The following IDO2 variants were observed in gnomAD, a reference collection of about 807,000 sequenced individuals.
The protein encoded by IDO2 is indoleamine 2,3-dioxygenase-like 1 protein.
In IDO2, 46 loss-of-function variants were observed where a neutral mutation model predicts 45.1. The observed-to-expected ratio is 1.02, with a 90% CI of 0.80 to 1.30. IDO2 has a LOEUF of 1.30. Ranked by LOEUF, IDO2 falls within the 50% of genes most tolerant of loss-of-function variation. The probability of loss-of-function intolerance (pLI) is 0.00; values close to 1 mark genes in which losing one functional copy is unlikely to be tolerated. For synonymous variants in IDO2, 218 were observed against 184.9 expected, an observed-to-expected ratio of 1.18 and a Z score of -1.45; for missense variants, 544 against 491.8, an observed-to-expected ratio of 1.11 and a Z score of -1.00.
At chr8:39,939,003 C>G (rs1807599230) in intron 1 of IDO2, among the ~76,000 whole-genome samples, 1 of 152,156 alleles carries the variant, frequency 6.6e-6, no homozygotes, top group South Asian at 2.1e-4. Flanking sequence ...CCTGTAATCC[C>G]AGCACTTTGG....
At chr8:39,969,012 T>G (rs896590920) in intron 3 of IDO2, among the ~76,000 whole-genome samples, 13 of 152,152 alleles carry the variant, frequency 8.5e-5, no homozygotes, top group Non-Finnish European at 1.5e-4. Context: ...AGTGTTGTGT[T>G]GTGACTAGAA....
intron 1 of IDO2, among the ~76,000 whole-genome samples, chr8:39,944,644 A>G (rs1807704784): frequency 6.6e-6 from 1 of 152,216 alleles, no homozygotes; most frequent in Admixed American, 6.5e-5. Context: ...CCCCGAGTCT[A>G]TCACCTTGTA....
At position 39,939,612 on chromosome 8, in the gene IDO2, G is replaced by T. The variant is rs75520748; in HGVS notation, c.-18+4394G>T. Among the ~76,000 whole-genome samples the T allele has an allele frequency of 2.6e-3, 380 of 146,496 alleles. 3 individuals are homozygous for T. Among genetic ancestry groups the T allele is most frequent in the Non-Finnish European group, 4.3e-3 (291 of 67,120 alleles). ...AAAGAAAAAAGAAAATTCCGTGATT[G>T]CAGTCTTTACGTATTTATTTGTTAT... On this transcript the variant is annotated intron_variant, in intron 1 of 10. Coordinates refer to ENST00000502986, the Ensembl canonical transcript of IDO2.
At position 39,947,496 on chromosome 8, in the gene IDO2, AC is replaced by A. The variant is rs542804813; in HGVS notation, c.-17-1651del. ...CTCTTCCTTATTTAAAAGTGTTTTT[AC>A]CTTTCTCAGCGTTCCACAAGTTACT... On this transcript the variant is annotated intron_variant, in intron 1 of 10. Coordinates refer to ENST00000502986, the Ensembl canonical transcript of IDO2. 4.7e-4 allele frequency among the ~76,000 whole-genome samples: 72 copies of A among 152,322 alleles called. 1 individual carries two copies. The highest frequency in any genetic ancestry group is 3.4e-3 in the Middle Eastern group (1 of 294).
At chr8:40,005,576 T>A (rs1369550595) in intron 9 of IDO2, among the ~76,000 whole-genome samples, 198 bp downstream of exon 9, 2 of 152,000 alleles carry the variant, frequency 1.3e-5, no homozygotes, top group Middle Eastern at 3.2e-3. Flanking sequence ...CAGTTAAGAG[T>A]GTTTGTTCCT....
At chr8:39,989,688 C>A (rs1808472597) in intron 7 of IDO2, 33 bp from the exon 8 acceptor site, 1 of 1,424,442 alleles carries the variant, frequency 7.0e-7, no homozygotes. Context: ...TAAGGGAGTG[C>A]TAATAAGTTG....
At chr8:39,983,758 C>T (rs770335775) in intron 5 of IDO2, among the ~76,000 whole-genome samples, 7 of 151,624 alleles carry the variant, frequency 4.6e-5, no homozygotes, top group Non-Finnish European at 1.0e-4. Flanking sequence ...GCCAGCTGCT[C>T]GGGAGGCTGA....
At chr8:39,974,134 T>A (rs1442184834) in intron 3 of IDO2, among the ~76,000 whole-genome samples, 1 of 152,202 alleles carries the variant, frequency 6.6e-6, no homozygotes, top group Non-Finnish European at 1.5e-5. Context: ...ATTTTTCCTA[T>A]CAGTTTTCAT....
exon 7 of IDO2, chr8:39,987,915 A>G (rs1263701926): frequency 6.2e-7 from 1 of 1,612,058 alleles, no homozygotes; most frequent in Non-Finnish European, 8.5e-7. Context: ...GAGAGCCTGC[A>G]TGGTTTTATA....
At chr8:39,940,096 A>T (rs934182431) in intron 1 of IDO2, among the ~76,000 whole-genome samples, 1 of 152,176 alleles carries the variant, frequency 6.6e-6, no homozygotes, top group African/African-American at 2.4e-5. Context: ...AAAGTTTCTA[A>T]GCACAATTGT....
chr8:39,995,197 T>TCTTCTTCTCCTTCTC (rs1554548593), intron 8 of IDO2: 14 of 80,602 alleles, frequency 1.7e-4, no homozygotes, highest in African/African-American at 5.6e-4. Context: ...TTCTTCTTCT[T>TCTTCTTCTCCTTCTC]CTTCTCCTTC....
At chr8:39,990,797 A>T (rs543067590) in intron 8 of IDO2, among the ~76,000 whole-genome samples, 1 of 152,308 alleles carries the variant, frequency 6.6e-6, no homozygotes, top group Non-Finnish European at 1.5e-5. Flanking sequence ...TCTGCTTAAC[A>T]CAGGCATGGT....
At chr8:39,953,778 T>TG (rs1807847002) in intron 2 of IDO2, among the ~76,000 whole-genome samples, 2 of 152,204 alleles carry the variant, frequency 1.3e-5, no homozygotes, top group Admixed American at 6.5e-5. Flanking sequence ...TTGGCCAGGC[T>TG]GGTCTCGAAC....
intron 3 of IDO2, among the ~76,000 whole-genome samples, chr8:39,964,157 G>C (rs1162293548): frequency 6.6e-6 from 1 of 152,180 alleles, no homozygotes; most frequent in Non-Finnish European, 1.5e-5. Context: ...AATTGGCCAT[G>C]GGTTCTACAA....
chr8:39,962,252 A>G (rs1808010038), intron 2 of IDO2, among the ~76,000 whole-genome samples: 1 of 152,166 alleles, frequency 6.6e-6, no homozygotes, highest in Non-Finnish European at 1.5e-5. Context: ...AAATTTAATA[A>G]TCACATCATT....
Position 40,004,525 on chromosome 8 carries a change from T to TGATAGATAGATAGATA in IDO2, c.668-775_668-760dup, listed in dbSNP as rs201569450. On this transcript the variant is annotated intron_variant, in intron 8 of 10. Coordinates refer to ENST00000502986, the Ensembl canonical transcript of IDO2. ...GATGTAGACAGATTAGACAGACAGA[T>TGATAGATAGATAGATA]GATAGATAGATAGATAGATAGATAG... Among the ~76,000 whole-genome samples the TGATAGATAGATAGATA allele has an allele frequency of 4.5e-3, 657 of 144,508 alleles. 6 individuals are homozygous for TGATAGATAGATAGATA. Among genetic ancestry groups the TGATAGATAGATAGATA allele is most frequent in the South Asian group, 9.2e-3 (40 of 4,348 alleles). 94.8% of individuals were successfully genotyped at this position (144,508 alleles called of 152,430 possible). A position where few individuals can be genotyped will look rare whatever the true frequency, so the allele number is the denominator to read the frequency against.
intron 4 of IDO2, among the ~76,000 whole-genome samples, chr8:39,981,307 G>A (rs1051796241): frequency 1.3e-5 from 2 of 151,876 alleles, no homozygotes; most frequent in Admixed American, 6.6e-5. Flanking sequence ...TGATCTGCCC[G>A]CCTTCGCCTC....
At chr8:40,008,518 C>G (rs912530920) in intron 9 of IDO2, among the ~76,000 whole-genome samples, 1 of 152,300 alleles carries the variant, frequency 6.6e-6, no homozygotes, top group East Asian at 1.9e-4. Flanking sequence ...ACCTTAATTA[C>G]ACCTGCAAAG....
intron 1 of IDO2, among the ~76,000 whole-genome samples, chr8:39,942,258 A>C (rs764644676): frequency 7.2e-5 from 11 of 152,224 alleles, no homozygotes; most frequent in Non-Finnish European, 1.3e-4. Context: ...GCAGAAACAG[A>C]AGCTCAGAAT....
Sources: allele counts gnomAD v4.1 joint callset (sites outside exome capture counted in the v4.1 genomes callset), GRCh38; gene constraint gnomAD v4.1.1; transcripts MANE v1.5; gene names NCBI Gene and HGNC (gene_info 2026-07-23, HGNC 2026-07-21).